The following UBE2H variants were observed in gnomAD, a reference collection of about 807,000 sequenced individuals.
The protein encoded by UBE2H is ubiquitin conjugating enzyme E2 H.
A neutral mutation model predicts 29.0 loss-of-function variants in UBE2H; 3 were observed. The ratio of observed to expected loss-of-function variants is 0.10; its 90% CI spans 0.05 to 0.27. The LOEUF (loss-of-function observed/expected upper bound fraction) is 0.27. UBE2H is among the 10% of genes least tolerant of loss of function. UBE2H has a pLI of 1.00. For synonymous variants in UBE2H, 69 were observed against 82.9 expected, an observed-to-expected ratio of 0.83 and a Z score of 0.91; for missense variants, 68 against 228.2, an observed-to-expected ratio of 0.30 and a Z score of 4.52.
intron 3 of UBE2H, chr7:129,864,968 T>C (rs112935140): frequency 3.3e-5 from 12 of 364,814 alleles, no homozygotes; most frequent in African/African-American, 1.9e-4. Flanking sequence ...TTAAAGGGGA[T>C]GGGGAGGATC....
chr7:129,841,275 C>T (rs1406719045), intron 5 of UBE2H, among the ~76,000 whole-genome samples: 1 of 152,166 alleles, frequency 6.6e-6, no homozygotes, highest in African/African-American at 2.4e-5. Flanking sequence ...TCCTATAAAA[C>T]TACATATACA....
At chr7:129,939,438 A>C (rs1472255806) in intron 1 of UBE2H, among the ~76,000 whole-genome samples, 2 of 152,228 alleles carry the variant, frequency 1.3e-5, no homozygotes, top group African/African-American at 2.4e-5. Context: ...TAATTTATTT[A>C]CAGGTTTAGA....
chr7:129,947,938 C>T (rs1399924333), intron 1 of UBE2H, among the ~76,000 whole-genome samples: 3 of 152,008 alleles, frequency 2.0e-5, no homozygotes, highest in South Asian at 2.1e-4. Flanking sequence ...CCACAACCTC[C>T]GCCTCATGGG....
At chr7:129,911,311 T>A (rs147070552) in intron 1 of UBE2H, among the ~76,000 whole-genome samples, 365 of 150,706 alleles carry the variant, frequency 2.4e-3, no homozygotes, top group Non-Finnish European at 3.6e-3. Flanking sequence ...GAGGTTCCAG[T>A]GAGCTGAGAT....
chr7:129,910,035 G>C (rs1038860292), intron 1 of UBE2H, among the ~76,000 whole-genome samples: 2 of 151,846 alleles, frequency 1.3e-5, no homozygotes, highest in African/African-American at 4.8e-5. Context: ...GAATATTGAA[G>C]AATAAACAAA....
intron 1 of UBE2H, among the ~76,000 whole-genome samples, chr7:129,939,209 C>G (rs1431309190): frequency 6.6e-6 from 1 of 152,056 alleles, no homozygotes; most frequent in Non-Finnish European, 1.5e-5. Flanking sequence ...CACTATAGTG[C>G]TCAGGTGGGA....
chr7:129,899,127 T>C (rs889485800), intron 1 of UBE2H, among the ~76,000 whole-genome samples: 3 of 152,216 alleles, frequency 2.0e-5, no homozygotes, highest in Admixed American at 6.5e-5. Flanking sequence ...CATTAGTGAA[T>C]AGGAAGGCTG....
At chr7:129,835,264 C>G (rs547428374) in intron 6 of UBE2H, among the ~76,000 whole-genome samples, 1 of 152,212 alleles carries the variant, frequency 6.6e-6, no homozygotes, top group South Asian at 2.1e-4. Flanking sequence ...CATTTTGCCC[C>G]CTGAGGAAAG....
intron 1 of UBE2H, among the ~76,000 whole-genome samples, chr7:129,935,546 A>T (rs1268152378): frequency 6.6e-6 from 1 of 152,140 alleles, no homozygotes; most frequent in Non-Finnish European, 1.5e-5. Flanking sequence ...TACAGCACTT[A>T]TTCTATTCTT....
At chr7:129,849,709 T>C (rs1805575130) in intron 5 of UBE2H, among the ~76,000 whole-genome samples, 2 of 152,336 alleles carry the variant, frequency 1.3e-5, no homozygotes, top group South Asian at 2.1e-4. Context: ...CCTGCAGTGC[T>C]GTGGCTCAGG....
At chr7:129,909,976 AG>A (rs981874262) in intron 1 of UBE2H, among the ~76,000 whole-genome samples, 3 of 151,972 alleles carry the variant, frequency 2.0e-5, no homozygotes, top group East Asian at 1.9e-4. Flanking sequence ...ACAAATATAG[AG>A]GGGGGGTGAT....
intron 1 of UBE2H, among the ~76,000 whole-genome samples, chr7:129,889,062 T>C (rs1334102423): frequency 6.6e-6 from 1 of 152,146 alleles, no homozygotes; most frequent in Non-Finnish European, 1.5e-5. Flanking sequence ...CTGAGAACAA[T>C]ACATTTTTAT....
intron 1 of UBE2H, among the ~76,000 whole-genome samples, chr7:129,890,836 A>T (rs1806468998): frequency 6.6e-6 from 1 of 152,144 alleles, no homozygotes; most frequent in Admixed American, 6.5e-5. Context: ...CTCATGACTT[A>T]AAGAAGTCAA....
intron 5 of UBE2H, among the ~76,000 whole-genome samples, chr7:129,844,723 T>C (rs1805483101): frequency 6.6e-6 from 1 of 152,232 alleles, no homozygotes; most frequent in Non-Finnish European, 1.5e-5. Context: ...TAGACTCAAT[T>C]AGAACCAAAA....
chr7:129,919,100 T>TAAAAAAAAAAAAAAAAA (rs1204331286), intron 1 of UBE2H, among the ~76,000 whole-genome samples: 7 of 72,168 alleles, frequency 9.7e-5, no homozygotes, highest in Non-Finnish European at 1.2e-4. Flanking sequence ...AAAAACAAAG[T>TAAAAAAAAAAAAAAAAA]AAAAAAAAAA....
At chr7:129,890,827 T>C (rs1806468730) in intron 1 of UBE2H, among the ~76,000 whole-genome samples, 1 of 152,084 alleles carries the variant, frequency 6.6e-6, no homozygotes, top group African/African-American at 2.4e-5. Flanking sequence ...GCTGGAAAAC[T>C]CATGACTTAA....
rs536792404 is a variant in UBE2H, at chr7:129,915,040, T to C, written c.54-34069A>G. Among the ~76,000 whole-genome samples, 54 of 152,296 alleles carry C rather than the reference T, an allele frequency of 3.5e-4. No homozygotes were observed. The South Asian group carries it at 9.1e-3, about 26-fold the overall frequency. ...CACTCTAAGAGGCTTTTCATTAGTG[T>C]AAGTTATAGACCAAATGACAACTTC... is the stretch of plus-strand genomic sequence containing the variant. On this transcript the variant is annotated intron_variant, in intron 1 of 6. Coordinates refer to ENST00000355621, the MANE Select transcript of UBE2H (RefSeq NM_003344.4).
intron 2 of UBE2H, 56 bp downstream of exon 2, chr7:129,880,839 T>G (rs906207347): frequency 6.6e-7 from 1 of 1,504,736 alleles, no homozygotes; most frequent in African/African-American, 1.4e-5. Flanking sequence ...GATATTCTAT[T>G]AAGAAACAGA....
chr7:129,859,157 G>A (rs988636173), intron 3 of UBE2H, among the ~76,000 whole-genome samples: 1 of 152,058 alleles, frequency 6.6e-6, no homozygotes, highest in Admixed American at 6.6e-5. Context: ...GAGCAAACTG[G>A]GAGAAATGCA....
Sources: gnomAD v4.1 joint callset for allele counts (sites outside exome capture counted in the v4.1 genomes callset) on GRCh38, gnomAD v4.1.1 for gene constraint, MANE v1.5 for transcripts, NCBI Gene and HGNC (gene_info 2026-07-23, HGNC 2026-07-21) for gene names.